The following DNAH17 variants were observed in gnomAD, a reference collection of about 807,000 sequenced individuals.
DNAH17 encodes dynein axonemal heavy chain 17, also known as axonemal beta dynein heavy chain 17.
Under a neutral mutation model 485.6 loss-of-function variants are expected in DNAH17, and 376 were observed. That is an observed-to-expected ratio of 0.77 (90% CI 0.71 to 0.84). The LOEUF is 0.84. Among genes scored for constraint, DNAH17 ranks in the 40% least tolerant of loss-of-function variants. The pLI is 0.00. For missense variants in DNAH17, 6,370 were observed against 5,839.3 expected, an observed-to-expected ratio of 1.09 and a Z score of -2.96; for synonymous variants, 3,031 against 2,405.9, an observed-to-expected ratio of 1.26 and a Z score of -7.60.
rs1483655954 is a variant in DNAH17 at position 78,527,244 on chromosome 17, G to T, written c.3508-248C>A. 3.9e-5 allele frequency among the ~76,000 whole-genome samples: 6 copies of T among 152,090 alleles called. No individual in the cohort carries two copies. The East Asian group carries it at 1.2e-3, about 29-fold the overall frequency. On this transcript the variant is annotated intron_variant, in intron 22 of 80. Transcript: ENST00000389840. ...CAAAAAATACAAATTCTTTTTAGCT[G>T]GGCGTGATGATATGGGCCTGTAGTC...
intron 41 of DNAH17, among the ~76,000 whole-genome samples, chr17:78,493,515 G>A (rs2089948669): frequency 6.6e-6 from 1 of 152,226 alleles, no homozygotes; most frequent in South Asian, 2.1e-4. Flanking sequence ...CTGGGTCCAT[G>A]CGGCCTCTGC....
At chr17:78,508,674 G>A (rs971377432) in intron 27 of DNAH17, among the ~76,000 whole-genome samples, 1 of 152,186 alleles carries the variant, frequency 6.6e-6, no homozygotes, top group African/African-American at 2.4e-5. Flanking sequence ...TGGATTAGTG[G>A]TTGCCTAGAG....
At chr17:78,500,226 G>A (rs768818854) in intron 36 of DNAH17, 79 bp downstream of exon 36, 1 of 1,443,256 alleles carries the variant, frequency 6.9e-7, no homozygotes, top group Non-Finnish European at 9.3e-7. Context: ...TTTACTGTGG[G>A]GCCTCGGAGG....
intron 26 of DNAH17, chr17:78,510,715 T>G: frequency 1.6e-6 from 1 of 608,782 alleles, no homozygotes; most frequent in East Asian, 3.0e-5. Context: ...TAAAACCGCA[T>G]AAGAGCAGAA....
chr17:78,480,980 T>C lies in DNAH17; in HGVS notation c.7650-194A>G, dbSNP rs112656168. 0.04 allele frequency among the ~76,000 whole-genome samples: 6,005 copies of C among 152,010 alleles called. 364 individuals are homozygous for C. The highest frequency in any genetic ancestry group is 0.13 in the African/African-American group (5,485 of 41,412). ...TTGCCTAATTTTTTGCATTTTTAGT[T>C]GAGACGGGGTTTCGCCGTGTTAGCC... On this transcript the variant is annotated intron_variant, in intron 48 of 80. Transcript: ENST00000389840.
In DNAH17 at chr17:78,437,654, T is replaced by C. The variant is rs760294985; in HGVS notation, c.12020A>G (p.Asp4007Gly). 1.2e-6 allele frequency: 2 copies of C among 1,609,380 alleles called. No individual in the cohort carries two copies. Among genetic ancestry groups the C allele is most frequent in the Non-Finnish European group, 1.7e-6 (2 of 1,178,208 alleles). ...GMHANLHKAL[D>G]LFTQDTLEMC... ...GCGTGGCCCTACCTGGGTGAACAGG[T>C]CCAGGGCCTTGTGCAAGTTGGCGTG... Residue 4007 changes from aspartate to glycine, a missense_variant, in exon 74 of 81, where the codon GAC becomes GGC. By Grantham distance (94) the Asp-to-Gly change is moderately conservative. Transcript: ENST00000389840.
chr17:78,454,380 A>C (rs1302010845), intron 64 of DNAH17, 90 bp downstream of exon 64: 1 of 979,668 alleles, frequency 1.0e-6, no homozygotes, highest in East Asian at 2.6e-5. Context: ...GTATTGAAAG[A>C]CCCACCCATC....
intron 74 of DNAH17, among the ~76,000 whole-genome samples, chr17:78,434,900 G>T (rs1239887541): frequency 6.6e-6 from 1 of 152,206 alleles, no homozygotes; most frequent in African/African-American, 2.4e-5. Flanking sequence ...ACTCTGTGTG[G>T]GGGGAGGGCT....
In DNAH17 at chr17:78,475,816, G is replaced by C. The variant is rs1347883307; in HGVS notation, c.8172C>G (p.Leu2724=). The change falls in exon 53 of 81, where the codon CTC becomes CTG. Residue 2724 remains leucine, a synonymous_variant. Coordinates refer to ENST00000389840, the MANE Select transcript of DNAH17 (RefSeq NM_173628.4). ...KKFFDDLGDE[L]LFAKPNIFCH... ...AGAAGATATTTGGCTTGGCAAATAA[G>C]AGTTCATCACCAAGATCCTAGAAAA... The C allele has an allele frequency of 1.9e-6, 3 of 1,613,362 alleles. No individual in the cohort carries two copies. Among genetic ancestry groups the C allele is most frequent in the Non-Finnish European group, 2.5e-6 (3 of 1,179,720 alleles).
Position 78,485,966 on chromosome 17 carries a change from T to C in DNAH17, c.7269A>G (p.Pro2423=), listed in dbSNP as rs1371002879. 4 of 1,611,914 alleles carry C rather than the reference T, an allele frequency of 2.5e-6. No homozygotes were observed. The highest frequency in any genetic ancestry group is 2.7e-5 in the African/African-American group (2 of 75,002). Residue 2423 remains proline, a synonymous_variant, in exon 46 of 81, where the codon CCA becomes CCG. Transcript: ENST00000389840. ...VPSFELDPDV[P]LQASLVHTTE... ...CTGCTTTGGGGACAGTTACCTGCAG[T>C]GGGACATCGGGATCCAGCTCAAAGG...
At chr17:78,561,684 G>C (rs753844079) in intron 12 of DNAH17, 31 bp downstream of exon 12, 2 of 1,573,462 alleles carry the variant, frequency 1.3e-6, no homozygotes, top group East Asian at 4.5e-5. Context: ...TGGAGGCGGG[G>C]TGCCTGCCCC....
intron 57 of DNAH17, 38 bp from the exon 58 acceptor site, chr17:78,461,746 C>T (rs779159266): frequency 2.7e-5 from 42 of 1,583,802 alleles, no homozygotes; most frequent in Middle Eastern, 3.4e-4. Flanking sequence ...AAGTGTGGGC[C>T]GCAGCCGACA....
intron 74 of DNAH17, 90 bp from the exon 75 acceptor site, chr17:78,434,310 C>A: frequency 2.3e-6 from 3 of 1,295,986 alleles, no homozygotes; most frequent in African/African-American, 1.5e-5. Context: ...CAGCCCTTGC[C>A]AGATGCTTTG....
chr17:78,429,073 G>A, intron 76 of DNAH17, 48 bp downstream of exon 76: 4 of 1,585,112 alleles, frequency 2.5e-6, no homozygotes, highest in Non-Finnish European at 3.5e-6. Context: ...TCACCGGGAG[G>A]CACGAGCCTT....
Position 78,494,025 on chromosome 17 carries a change from G to A in DNAH17, c.6408+11C>T, listed in dbSNP as rs113282713. 840 of 1,610,218 alleles carry A rather than the reference G, an allele frequency of 5.2e-4. 3 individuals are homozygous for A. In the African/African-American group the frequency reaches 8.1e-3, roughly 15 times the overall value. ...CGGATCCCTGCAAGGTCCCTGGAGCGGGTGACACACCTGAGATTTGCCGCT... is the reference window on the plus strand; with the variant it reads ...CGGATCCCTGCAAGGTCCCTGGAGCAGGTGACACACCTGAGATTTGCCGCT... On this transcript the variant is annotated intron_variant, in intron 41 of 80. Transcript: ENST00000389840.
Position 78,518,595 on chromosome 17 carries a change from G to A in DNAH17, c.3865-3573C>T, listed in dbSNP as rs1598629044. Among the ~76,000 whole-genome samples the A allele has an allele frequency of 2.0e-5, 3 of 152,256 alleles. No homozygotes were observed. The South Asian group carries it at 6.2e-4, about 32-fold the overall frequency. On this transcript the variant is annotated intron_variant, in intron 25 of 80. Coordinates refer to ENST00000389840, the MANE Select transcript of DNAH17 (RefSeq NM_173628.4). Reference sequence around the variant, plus strand: ...CTCTCAGCAGTTTATGGAACTGCTAGACAGAAAATTAGCAAGACTATAAAA... The same window carrying A: ...CTCTCAGCAGTTTATGGAACTGCTAAACAGAAAATTAGCAAGACTATAAAA...
chr17:78,574,680 C>G (rs556840005), intron 2 of DNAH17, 33 bp downstream of exon 2: 9 of 1,556,530 alleles, frequency 5.8e-6, no homozygotes, highest in Non-Finnish European at 7.8e-6. Context: ...CGGTCGTGCT[C>G]GACACCCCGG....
chr17:78,503,169 CTTTTTT>C (rs397856727), intron 31 of DNAH17, 158 bp from the exon 32 acceptor site: 4,598 of 127,172 alleles, frequency 0.036, 26 homozygotes, highest in South Asian at 0.084. Flanking sequence ...AGTGACACAC[CTTTTTT>C]TTTTTTTTTT....
rs147457808 is a variant in DNAH17, at chr17:78,473,872, G to A, written c.8511+1406C>T. 7.4e-4 allele frequency among the ~76,000 whole-genome samples: 112 copies of A among 152,152 alleles called. 1 individual carries two copies. In the East Asian group the frequency reaches 0.013, roughly 17 times the overall value. On this transcript the variant is annotated intron_variant, in intron 54 of 80. Transcript: ENST00000389840. ...AGGTTCAAATGACACTTGAGTGGCC[G>A]CAGATACCAATGTGAACTAACTCCA...
Sources: allele counts gnomAD v4.1 joint callset (sites outside exome capture counted in the v4.1 genomes callset), GRCh38; gene constraint gnomAD v4.1.1; transcripts MANE v1.5; gene names NCBI Gene and HGNC (gene_info 2026-07-23, HGNC 2026-07-21).